SPRED1: variants seen among roughly 807,000 people sequenced by gnomAD.
The protein encoded by SPRED1 is sprouty-related, EVH1 domain-containing protein 1.
Under a neutral mutation model 52.3 loss-of-function variants are expected in SPRED1, and 18 were observed. That is an observed-to-expected ratio of 0.34 (90% CI 0.24 to 0.51). SPRED1 has a LOEUF of 0.51. Ranked by LOEUF, SPRED1 falls within the 20% of genes least tolerant of loss-of-function variation. SPRED1 has a pLI of 0.97. For missense variants in SPRED1, 485 were observed against 551.0 expected (o/e 0.88, Z 1.20); for synonymous variants, 155 against 179.7 (o/e 0.86, Z 1.10).
chr15:38,265,352 GTACTATGTTTATAAAA>G (rs1438231929), intron 1 of SPRED1, among the ~76,000 whole-genome samples: 1 of 152,078 alleles, frequency 6.6e-6, no homozygotes, highest in Non-Finnish European at 1.5e-5. Flanking sequence ...CAGAAGGAAG[GTACTATGTTTATAAAA>G]TAATCAGTGC....
intron 1 of SPRED1, among the ~76,000 whole-genome samples, chr15:38,261,820 A>G (rs1285889354): frequency 6.6e-6 from 1 of 152,222 alleles, no homozygotes; most frequent in African/African-American, 2.4e-5. Flanking sequence ...GTTAGGAATT[A>G]CATTCACAAA....
intron 1 of SPRED1, among the ~76,000 whole-genome samples, chr15:38,257,608 G>T (rs951940730): frequency 1.3e-5 from 2 of 152,156 alleles, no homozygotes; most frequent in African/African-American, 4.8e-5. Flanking sequence ...GAGTTATGTG[G>T]TGTATCTGAA....
Position 38,307,370 on chromosome 15 carries a change from G to A in SPRED1, c.207+7823G>A, listed in dbSNP as rs533059533. Among the ~76,000 whole-genome samples, 52 of 152,210 alleles carry A rather than the reference G, an allele frequency of 3.4e-4. 1 individual carries two copies. Among genetic ancestry groups the A allele is most frequent in the South Asian group, 3.3e-3 (16 of 4,828 alleles). On this transcript the variant is annotated intron_variant, in intron 2 of 6. Transcript: ENST00000299084. ...AGTTATGGAAGGTGGGAAGTCCAAGGTATTGGCCAATTTTCTGTTTCTGGT... is the reference window on the plus strand; with the variant it reads ...AGTTATGGAAGGTGGGAAGTCCAAGATATTGGCCAATTTTCTGTTTCTGGT...
chr15:38,273,849 A>G (rs7163713), intron 1 of SPRED1, among the ~76,000 whole-genome samples: 125,469 of 151,978 alleles, frequency 0.83, 52,546 homozygotes, highest in Non-Finnish European at 0.9. Context: ...TCCTTAAATA[A>G]GTTGTCATGA....
intron 4 of SPRED1, among the ~76,000 whole-genome samples, chr15:38,327,191 C>T (rs1384800393): frequency 6.6e-6 from 1 of 152,140 alleles, no homozygotes; most frequent in East Asian, 1.9e-4. Flanking sequence ...AAGACAACAT[C>T]CTAGCTTTGA....
chr15:38,322,805 T>C (rs753109509), intron 3 of SPRED1, among the ~76,000 whole-genome samples: 14 of 152,176 alleles, frequency 9.2e-5, no homozygotes, highest in Non-Finnish European at 1.9e-4. Flanking sequence ...ACTTGTAATA[T>C]TCAAATGTAT....
At chr15:38,325,299 T>C (rs1353103551) in intron 4 of SPRED1, among the ~76,000 whole-genome samples, 1 of 152,344 alleles carries the variant, frequency 6.6e-6, no homozygotes, top group Non-Finnish European at 1.5e-5. Flanking sequence ...TGTTATAAGG[T>C]GTATAAACAT....
In SPRED1 at chr15:38,351,178, T is replaced by C. The variant is rs1476116119; in HGVS notation, c.849T>C (p.Ser283=). 1 of 1,614,138 alleles carries C rather than the reference T, an allele frequency of 6.2e-7. No individual in the cohort carries two copies. Among genetic ancestry groups the C allele is most frequent in the Admixed American group, 1.7e-5 (1 of 59,996 alleles). The change falls in exon 7 of 7, where the codon TCT becomes TCC. Residue 283 remains serine, a synonymous_variant. Transcript: ENST00000299084. ...ATGCTGATTCCAGTATTCAGTTTTC[T>C]AAACCAGACAGTAAAAAATCAGACT... ...RDDADSSIQF[S]KPDSKKSDYL...
At chr15:38,333,895 G>T (rs1435172945) in intron 4 of SPRED1, among the ~76,000 whole-genome samples, 1 of 152,074 alleles carries the variant, frequency 6.6e-6, no homozygotes, top group Non-Finnish European at 1.5e-5. Flanking sequence ...TTCTTATCCA[G>T]ACTCTGCCGC....
At chr15:38,300,912 A>C (rs1595734328) in intron 2 of SPRED1, among the ~76,000 whole-genome samples, 2 of 152,272 alleles carry the variant, frequency 1.3e-5, no homozygotes, top group South Asian at 2.1e-4. Context: ...TAACTGGGGA[A>C]TATTGTTGGA....
chr15:38,274,654 C>T (rs554267134), intron 1 of SPRED1, among the ~76,000 whole-genome samples: 61 of 152,170 alleles, frequency 4.0e-4, no homozygotes, highest in African/African-American at 1.2e-3. Context: ...GAAATTTCAC[C>T]GGTTGTTCCA....
At chr15:38,272,347 C>T (rs895883990) in intron 1 of SPRED1, among the ~76,000 whole-genome samples, 12 of 141,558 alleles carry the variant, frequency 8.5e-5, no homozygotes, top group South Asian at 4.5e-4. Flanking sequence ...TGGCTCACTG[C>T]AACTTCTGCC....
chr15:38,286,074 T>A (rs576550554), intron 1 of SPRED1, among the ~76,000 whole-genome samples: 2 of 151,992 alleles, frequency 1.3e-5, no homozygotes, highest in African/African-American at 4.8e-5. Flanking sequence ...TGAGGCCCTG[T>A]CTCTACAGAA....
intron 4 of SPRED1, among the ~76,000 whole-genome samples, chr15:38,333,183 A>G (rs1462715634): frequency 6.6e-6 from 1 of 152,230 alleles, no homozygotes; most frequent in Non-Finnish European, 1.5e-5. Flanking sequence ...ATAGATACAT[A>G]TAATTTTAAG....
rs767491326 is a variant in SPRED1 at position 38,324,829 on chromosome 15, G to A, written c.423+20G>A. On this transcript the variant is annotated intron_variant, in intron 4 of 6. Coordinates refer to ENST00000299084, the MANE Select transcript of SPRED1 (RefSeq NM_152594.3). ...TTACAAGTAAGTAATGGCTTGGAAG[G>A]AATTTGTAAACATAAAGGATGTGGA... 3 of 1,605,768 alleles carry A rather than the reference G, an allele frequency of 1.9e-6. No homozygotes were observed. In the South Asian group the frequency reaches 3.3e-5, roughly 18 times the overall value.
rs1273967028 is a variant in SPRED1 at position 38,353,186 on chromosome 15, A to C, written c.*1522A>C. On this transcript the variant is annotated 3_prime_UTR_variant, in exon 7 of 7. Transcript: ENST00000299084. ...TTCAGAGGTGATAAAAATTAAAATC[A>C]CACTACTATTTGAAGCTCATTTTCT... The C allele has an allele frequency of 1.3e-5, 2 of 152,406 alleles. No individual in the cohort carries two copies. Among genetic ancestry groups the C allele is most frequent in the East Asian group, 3.9e-4 (2 of 5,192 alleles). 9.4% of individuals were successfully genotyped at this position (152,406 alleles called of 1,614,324 possible).
chr15:38,263,519 C>T (rs976215673), intron 1 of SPRED1, among the ~76,000 whole-genome samples: 2 of 152,032 alleles, frequency 1.3e-5, no homozygotes, highest in African/African-American at 2.4e-5. Context: ...CGCCAAAAGA[C>T]GGAAGTGGCT....
chr15:38,272,705 A>G (rs577567998), intron 1 of SPRED1, among the ~76,000 whole-genome samples: 3 of 152,172 alleles, frequency 2.0e-5, no homozygotes, highest in African/African-American at 7.2e-5. Context: ...GTTATTTTTT[A>G]ACTTTATAAT....
At chr15:38,316,315 C>T (rs1895479131) in intron 2 of SPRED1, among the ~76,000 whole-genome samples, 3 of 151,532 alleles carry the variant, frequency 2.0e-5, no homozygotes, top group African/African-American at 4.8e-5. Context: ...TCTGTATTTT[C>T]GTAAATAACA....
Sources: allele counts gnomAD v4.1 joint callset (sites outside exome capture counted in the v4.1 genomes callset), GRCh38; gene constraint gnomAD v4.1.1; transcripts MANE v1.5; gene names NCBI Gene and HGNC (gene_info 2026-07-23, HGNC 2026-07-21).